Variants in LAMA2 observed in about 807,000 individuals in gnomAD.
LAMA2 encodes the protein laminin subunit alpha 2.
A neutral mutation model predicts 364.8 loss-of-function variants in LAMA2; 269 were observed. That is an observed-to-expected ratio of 0.74 (90% CI 0.67 to 0.82). The LOEUF is 0.82. Among genes scored for constraint, LAMA2 ranks in the 40% least tolerant of loss-of-function variants. The pLI is 0.00. For missense variants in LAMA2, 3,807 were observed against 3,873.2 expected (o/e 0.98, Z 0.45); for synonymous variants, 1,379 against 1,370.6 (o/e 1.01, Z -0.14).
chr6:129,254,403 T>C (rs1038724218), intron 14 of LAMA2, among the ~76,000 whole-genome samples: 1 of 152,152 alleles, frequency 6.6e-6, no homozygotes, highest in African/African-American at 2.4e-5. Flanking sequence ...ATCTGTAAAA[T>C]AAGGAGGAGG....
chr6:129,133,767 A>C (rs1175659111), intron 4 of LAMA2, among the ~76,000 whole-genome samples: 1 of 152,102 alleles, frequency 6.6e-6, no homozygotes, highest in Non-Finnish European at 1.5e-5. Context: ...GCTATCCTGA[A>C]ATGCTGCTTC....
intron 12 of LAMA2, among the ~76,000 whole-genome samples, chr6:129,224,746 T>C (rs559001496): frequency 2.6e-5 from 4 of 152,368 alleles, no homozygotes; most frequent in East Asian, 1.9e-4. Context: ...CATTATTTTA[T>C]TGAGGATTTT....
At chr6:129,393,865 CTG>C (rs1279525835) in intron 37 of LAMA2, among the ~76,000 whole-genome samples, 3 of 152,104 alleles carry the variant, frequency 2.0e-5, no homozygotes, top group Non-Finnish European at 4.4e-5. Context: ...TTTCTATGCG[CTG>C]TGTTCTATGC....
intron 1 of LAMA2, among the ~76,000 whole-genome samples, chr6:128,891,985 G>A (rs1373696547): frequency 6.6e-6 from 1 of 151,968 alleles, no homozygotes; most frequent in South Asian, 2.1e-4. Flanking sequence ...CTGAGTCAAC[G>A]GAGTTAAATT....
At chr6:128,997,605 G>A (rs941577264) in intron 1 of LAMA2, among the ~76,000 whole-genome samples, 3 of 151,686 alleles carry the variant, frequency 2.0e-5, no homozygotes, top group African/African-American at 4.8e-5. Flanking sequence ...GACCAGCCTG[G>A]CAAACATGGT....
chr6:129,449,776 G>A (rs1045337482), intron 45 of LAMA2, among the ~76,000 whole-genome samples: 21 of 149,634 alleles, frequency 1.4e-4, no homozygotes, highest in Admixed American at 7.3e-4. Context: ...TTAGATTTTA[G>A]TGCTGCTGCT....
chr6:128,899,681 A>G (rs550685232), intron 1 of LAMA2, among the ~76,000 whole-genome samples: 2 of 152,322 alleles, frequency 1.3e-5, no homozygotes, highest in East Asian at 3.9e-4. Context: ...GAAACACAGT[A>G]TGGACAGATA....
chr6:129,100,592 T>C lies in LAMA2; in HGVS notation c.639+2177T>C, dbSNP rs532415708. On this transcript the variant is annotated intron_variant, in intron 4 of 64. Coordinates refer to ENST00000421865, the MANE Select transcript of LAMA2 (RefSeq NM_000426.4). ...AAATAATAATTGAGGTCTCTGATTC[T>C]CAGGTAAATATTTCATCCATAATCT... Among the ~76,000 whole-genome samples the C allele has an allele frequency of 3.3e-5, 5 of 152,346 alleles. No homozygotes were observed. The South Asian group carries it at 1.0e-3, about 32-fold the overall frequency.
intron 55 of LAMA2, among the ~76,000 whole-genome samples, chr6:129,485,720 C>T (rs1390133532): frequency 6.6e-6 from 1 of 152,186 alleles, no homozygotes; most frequent in Non-Finnish European, 1.5e-5. Flanking sequence ...TAACTACATA[C>T]ATGATTTAGT....
chr6:129,193,701 A>G (rs1223919161), intron 12 of LAMA2, among the ~76,000 whole-genome samples: 1 of 152,216 alleles, frequency 6.6e-6, no homozygotes, highest in Non-Finnish European at 1.5e-5. Flanking sequence ...ATCCCTTCCT[A>G]AATTAATGTT....
rs572181815 is a variant in LAMA2 at position 128,953,816 on chromosome 6, T to G, written c.112+70459T>G. Among the ~76,000 whole-genome samples the G allele has an allele frequency of 2.6e-5, 4 of 152,246 alleles. No homozygotes were observed. In the East Asian group the frequency reaches 7.7e-4, roughly 29 times the overall value. ...AAGAAATGAACTTTTCCCCCTATAC[T>G]GAGGGCAATTTTAAAAGAAGGTAGT... On this transcript the variant is annotated intron_variant, in intron 1 of 64. Coordinates refer to ENST00000421865, the MANE Select transcript of LAMA2 (RefSeq NM_000426.4).
intron 22 of LAMA2, among the ~76,000 whole-genome samples, chr6:129,302,115 A>G (rs1773587601): frequency 6.6e-6 from 1 of 152,186 alleles, no homozygotes; most frequent in Non-Finnish European, 1.5e-5. Context: ...ACATTAGCAT[A>G]CAAGTCAAAA....
intron 1 of LAMA2, among the ~76,000 whole-genome samples, chr6:129,010,892 C>T (rs1186093390): frequency 1.3e-5 from 2 of 152,136 alleles, no homozygotes; most frequent in Non-Finnish European, 2.9e-5. Context: ...ATACCTATGT[C>T]TTTACTGTGT....
At chr6:128,895,631 G>C (rs952544456) in intron 1 of LAMA2, among the ~76,000 whole-genome samples, 3 of 152,108 alleles carry the variant, frequency 2.0e-5, no homozygotes, top group Non-Finnish European at 4.4e-5. Context: ...TTGGGCAACA[G>C]AGCGAGACTC....
intron 1 of LAMA2, 111 bp from the exon 2 acceptor site, chr6:129,049,807 T>G: frequency 1.2e-6 from 1 of 851,508 alleles, no homozygotes; most frequent in Non-Finnish European, 2.0e-6. Flanking sequence ...TTATCTCATG[T>G]TGGGTTACTT....
At chr6:129,066,085 GC>G (rs1414183594) in intron 3 of LAMA2, among the ~76,000 whole-genome samples, 3 of 100,638 alleles carry the variant, frequency 3.0e-5, no homozygotes, top group East Asian at 5.6e-4. Flanking sequence ...TCGCTCTGTC[GC>G]CCAGGCTGGA....
chr6:129,157,025 A>G (rs563031412), intron 8 of LAMA2, among the ~76,000 whole-genome samples: 1 of 152,336 alleles, frequency 6.6e-6, no homozygotes, highest in Admixed American at 6.5e-5. Flanking sequence ...AGGAGACAGG[A>G]CAAACTATCA....
At chr6:128,983,293 A>T (rs544851456) in intron 1 of LAMA2, among the ~76,000 whole-genome samples, 1 of 152,050 alleles carries the variant, frequency 6.6e-6, no homozygotes, top group Admixed American at 6.5e-5. Flanking sequence ...TGACTTTTTA[A>T]TGATTGCCAT....
chr6:128,918,678 CA>C (rs1189976364), intron 1 of LAMA2, among the ~76,000 whole-genome samples: 2 of 152,074 alleles, frequency 1.3e-5, no homozygotes, highest in African/African-American at 4.8e-5. Flanking sequence ...CAGCATTGTG[CA>C]AAAAATGTAC....
Sources: gnomAD v4.1 joint callset for allele counts (sites outside exome capture counted in the v4.1 genomes callset) on GRCh38, gnomAD v4.1.1 for gene constraint, MANE v1.5 for transcripts, NCBI Gene and HGNC (gene_info 2026-07-23, HGNC 2026-07-21) for gene names.